The following ITGA6 variants were observed in gnomAD, a reference collection of about 807,000 sequenced individuals.
The protein encoded by ITGA6 is integrin subunit alpha 6.
ITGA6 carries 63 observed loss-of-function variants against 133.6 expected under a neutral mutation model. The ratio of observed to expected loss-of-function variants is 0.47; its 90% CI spans 0.38 to 0.58. ITGA6 has a LOEUF of 0.58. Among genes scored for constraint, ITGA6 ranks in the 20% least tolerant of loss-of-function variants. The pLI is 0.00. For missense variants in ITGA6, 1,068 were observed against 1,309.4 expected (o/e 0.82, Z 2.85); for synonymous variants, 434 against 482.0 (o/e 0.90, Z 1.30).
In ITGA6 at chr2:172,474,993, G is replaced by C. The variant is rs146630825; in HGVS notation, c.1051G>C (p.Val351Leu). 4.0e-5 allele frequency: 64 copies of C among 1,585,866 alleles called. No individual in the cohort carries two copies. The Admixed American group carries it at 8.7e-4, about 21-fold the overall frequency. Residue 351 changes from valine (V) to leucine (L), a missense_variant, in exon 7 of 26, where the codon GTG becomes CTG. Transcript: ENST00000684293. ...TAGAGATGGAGAAGTTGGAGGTGCA[G>C]TGTATGTCTACATGAACCAGCAAGG... Reference protein sequence around the residue: ...FDRDGEVGGAVYVYMNQQGRW... With the variant: ...FDRDGEVGGALYVYMNQQGRW...
At chr2:172,455,080 G>A (rs542374197) in intron 1 of ITGA6, among the ~76,000 whole-genome samples, 2 of 152,220 alleles carry the variant, frequency 1.3e-5, no homozygotes, top group Non-Finnish European at 2.9e-5. Context: ...TGAGACCTGG[G>A]TTGGCCTGTG....
At position 172,434,053 on chromosome 2, in the gene ITGA6, G is replaced by A. The variant is rs58922303; in HGVS notation, c.182+6083G>A. Among the ~76,000 whole-genome samples, 482 of 152,266 alleles carry A rather than the reference G, an allele frequency of 3.2e-3. 5 individuals carry two copies. The highest frequency in any genetic ancestry group is 0.011 in the African/African-American group (465 of 41,526). ...ACCCCCACACCTCCATCCCTAGGAG[G>A]CTGGATAACTTGCACAACACCCAGG... On this transcript the variant is annotated intron_variant, in intron 1 of 25. Transcript: ENST00000684293.
intron 1 of ITGA6, chr2:172,465,261 C>T (rs1368870822): frequency 2.0e-6 from 1 of 507,662 alleles, no homozygotes; most frequent in Non-Finnish European, 3.6e-6. Context: ...TTTTAAACAC[C>T]AGATCATACC....
intron 15 of ITGA6, 26 bp downstream of exon 15, chr2:172,487,479 GA>G (rs1481883845): frequency 3.7e-6 from 6 of 1,611,858 alleles, no homozygotes; most frequent in African/African-American, 2.7e-5. Context: ...GACCAGCTGA[GA>G]GGGGAAAAAA....
At chr2:172,439,180 G>C (rs180990620) in intron 1 of ITGA6, among the ~76,000 whole-genome samples, 1 of 151,838 alleles carries the variant, frequency 6.6e-6, no homozygotes, top group Non-Finnish European at 1.5e-5. Context: ...AGCCAGCTCC[G>C]AGAACGCAGC....
rs773179567 is a variant in ITGA6 at position 172,471,007 on chromosome 2, T to A, written c.677T>A (p.Phe226Tyr). The A allele has an allele frequency of 1.2e-6, 2 of 1,614,032 alleles. No homozygotes were observed. Among genetic ancestry groups the A allele is most frequent in the Non-Finnish European group, 1.7e-6 (2 of 1,179,972 alleles). ...IVRVEQKNNT[F>Y]FDMNIFEDGP... Reference sequence around the variant, plus strand: ...CGTGTAGAGCAAAAGAATAACACTTTTTTTGACATGAACATCTTTGAAGAT... The same window carrying A: ...CGTGTAGAGCAAAAGAATAACACTTATTTTGACATGAACATCTTTGAAGAT... Residue 226 changes from phenylalanine (F) to tyrosine (Y), a missense_variant, in exon 5 of 26, where the codon TTT becomes TAT. Physicochemically the swap from Phe to Tyr is conservative, Grantham distance 22 (BLOSUM62 3). Transcript: ENST00000684293.
At chr2:172,480,308 T>G (rs1287462929) in intron 11 of ITGA6, among the ~76,000 whole-genome samples, 1 of 152,328 alleles carries the variant, frequency 6.6e-6, no homozygotes, top group Non-Finnish European at 1.5e-5. Flanking sequence ...AAAGTACTTA[T>G]TTGCTACCAC....
intron 1 of ITGA6, among the ~76,000 whole-genome samples, chr2:172,449,544 C>G (rs1016892132): frequency 4.6e-5 from 7 of 152,120 alleles, no homozygotes; most frequent in African/African-American, 7.2e-5. Context: ...CTGACTTTCA[C>G]GATCTCAGGT....
At chr2:172,468,661 T>C (rs1685785795) in intron 3 of ITGA6, among the ~76,000 whole-genome samples, 1 of 152,186 alleles carries the variant, frequency 6.6e-6, no homozygotes, top group African/African-American at 2.4e-5. Flanking sequence ...GAAAAGGAAA[T>C]GTCTTTGTTT....
In ITGA6 at chr2:172,503,796, C is replaced by A. The variant is rs140799013; in HGVS notation, c.*23-295C>A. The A allele has an allele frequency of 2.3e-4, 46 of 204,078 alleles. 1 individual carries two copies. Among genetic ancestry groups the A allele is most frequent in the African/African-American group, 9.4e-4 (41 of 43,766 alleles). 12.6% of individuals were successfully genotyped at this position (204,078 alleles called of 1,614,324 possible). ...GTGATTATTTTTAAATATGGAAGCA[C>A]TGTTTTCATAAACTCTTAAATTGTT... On this transcript the variant is annotated intron_variant, in intron 25 of 25. Transcript: ENST00000684293.
chr2:172,489,713 T>G, intron 20 of ITGA6, 55 bp downstream of exon 20: 1 of 1,447,206 alleles, frequency 6.9e-7, no homozygotes, highest in Non-Finnish European at 9.7e-7. Context: ...AGAAACTAAC[T>G]TGTTAGGGGA....
chr2:172,479,765 A>G lies in ITGA6; in HGVS notation c.1487+26A>G, dbSNP rs759296106. ...GTGAGCATCCCTCTGTCTTGGTGGG[A>G]TCCCCCTCAGTTTCCCACCTCCACT... On this transcript the variant is annotated intron_variant, in intron 10 of 25. Coordinates refer to ENST00000684293, the MANE Select transcript of ITGA6 (RefSeq NM_000210.4). 10 of 1,594,638 alleles carry G rather than the reference A, an allele frequency of 6.3e-6. No homozygotes were observed. In the East Asian group the frequency reaches 1.6e-4, roughly 25 times the overall value.
intron 1 of ITGA6, among the ~76,000 whole-genome samples, chr2:172,431,061 C>T (rs1290626831): frequency 6.6e-6 from 1 of 152,148 alleles, no homozygotes; most frequent in Non-Finnish European, 1.5e-5. Flanking sequence ...TCATTTTCTT[C>T]TTTATGGGGT....
intron 15 of ITGA6, 23 bp from the exon 16 acceptor site, chr2:172,487,524 C>G: frequency 6.2e-7 from 1 of 1,612,528 alleles, no homozygotes; most frequent in African/African-American, 1.3e-5. Context: ...TGGATTGTGA[C>G]CTAGCGTGTG....
At chr2:172,446,719 G>T (rs534999479) in intron 1 of ITGA6, among the ~76,000 whole-genome samples, 14 of 152,314 alleles carry the variant, frequency 9.2e-5, no homozygotes, top group Non-Finnish European at 1.6e-4. Flanking sequence ...TGCCACATTT[G>T]ACAAGATCTG....
chr2:172,457,075 C>T (rs1035600860), intron 1 of ITGA6, among the ~76,000 whole-genome samples: 3 of 152,152 alleles, frequency 2.0e-5, no homozygotes, highest in African/African-American at 7.2e-5. Context: ...GGGGAGATCA[C>T]TTGAGGTCAG....
chr2:172,504,062 G>C, intron 25 of ITGA6, 29 bp from the exon 26 acceptor site: 1 of 1,528,606 alleles, frequency 6.5e-7, no homozygotes, highest in South Asian at 1.3e-5. Flanking sequence ...AGATTAATTT[G>C]TTTCTCTTTC....
At chr2:172,451,910 A>G (rs1020366782) in intron 1 of ITGA6, among the ~76,000 whole-genome samples, 5 of 152,012 alleles carry the variant, frequency 3.3e-5, no homozygotes, top group Non-Finnish European at 5.9e-5. Flanking sequence ...CTGTTCTAGT[A>G]TCTACTTTTA....
intron 5 of ITGA6, among the ~76,000 whole-genome samples, chr2:172,472,608 G>C (rs1036180898): frequency 6.6e-6 from 1 of 152,156 alleles, no homozygotes; most frequent in Non-Finnish European, 1.5e-5. Flanking sequence ...CAGAGGGTTT[G>C]GGGGAACAAA....
Sources: allele counts gnomAD v4.1 joint callset (sites outside exome capture counted in the v4.1 genomes callset), GRCh38; gene constraint gnomAD v4.1.1; transcripts MANE v1.5; gene names NCBI Gene and HGNC (gene_info 2026-07-23, HGNC 2026-07-21).